The following HK2 variants were observed in gnomAD, a reference collection of about 807,000 sequenced individuals.
HK2 encodes the protein hexokinase 2, also known as hexokinase-2.
HK2 carries 42 observed loss-of-function variants against 92.9 expected under a neutral mutation model. The observed-to-expected ratio is 0.45, with a 90% CI of 0.35 to 0.58. HK2 has a LOEUF of 0.58. Ranked by LOEUF, HK2 falls within the 20% of genes least tolerant of loss-of-function variation. The pLI, the probability that HK2 is intolerant of heterozygous loss-of-function variation, is 0.00. For synonymous variants in HK2, 422 were observed against 468.0 expected, an observed-to-expected ratio of 0.90 and a Z score of 1.27; for missense variants, 978 against 1,245.1, an observed-to-expected ratio of 0.79 and a Z score of 3.23.
chr2:74,888,696 A>G (rs1016990275), intron 16 of HK2, among the ~76,000 whole-genome samples: 2 of 152,244 alleles, frequency 1.3e-5, no homozygotes, highest in African/African-American at 4.8e-5. Flanking sequence ...TCTAGCTTAT[A>G]GGTCTGTTAT....
chr2:74,849,062 G>T (rs2103864901), intron 1 of HK2, among the ~76,000 whole-genome samples: 1 of 152,350 alleles, frequency 6.6e-6, no homozygotes, highest in South Asian at 2.1e-4. Context: ...TCGAAGTGGA[G>T]CCTCCATGAA....
intron 1 of HK2, among the ~76,000 whole-genome samples, chr2:74,852,247 G>T (rs1688589372): frequency 6.6e-6 from 1 of 152,168 alleles, no homozygotes; most frequent in South Asian, 2.1e-4. Context: ...TTCTGGTCTG[G>T]GTAGCCCCAG....
Position 74,882,139 on chromosome 2 carries a change from A to C in HK2, c.1739A>C (p.Gln580Pro). ...TGDELFDHIVQCIADFLEYMG... is the reference protein window; with the variant it reads ...TGDELFDHIVPCIADFLEYMG... The stretch of plus-strand genomic sequence containing the variant: ...CTGCAGCTCTTTGACCACATTGTCC[A>C]GTGCATCGCGGACTTCCTCGAGTAC... The change falls in exon 12 of 18, where the codon CAG becomes CCG. Residue 580 changes from glutamine to proline, a missense_variant. Coordinates refer to ENST00000290573, the MANE Select transcript of HK2 (RefSeq NM_000189.5). 1 of 1,614,196 alleles carries C rather than the reference A, an allele frequency of 6.2e-7. No individual in the cohort carries two copies. The highest frequency in any genetic ancestry group is 8.5e-7 in the Non-Finnish European group (1 of 1,180,018).
chr2:74,848,187 T>A (rs1688487402), intron 1 of HK2, among the ~76,000 whole-genome samples: 1 of 152,166 alleles, frequency 6.6e-6, no homozygotes, highest in African/African-American at 2.4e-5. Flanking sequence ...CTTAAATCTG[T>A]GACACTTCCC....
At chr2:74,882,099 T>C in intron 11 of HK2, 21 bp from the exon 12 acceptor site, 2 of 1,613,576 alleles carry the variant, frequency 1.2e-6, no homozygotes, top group Non-Finnish European at 1.7e-6. Context: ...CCTCCCTCAG[T>C]GTCCTAACTT....
At chr2:74,837,344 T>C (rs1370399264) in intron 1 of HK2, among the ~76,000 whole-genome samples, 2 of 152,248 alleles carry the variant, frequency 1.3e-5, no homozygotes, top group East Asian at 3.8e-4. Flanking sequence ...TCCTGGCTGC[T>C]GGTAGCACCC....
chr2:74,844,796 C>T (rs1407161006), intron 1 of HK2, among the ~76,000 whole-genome samples: 5 of 152,302 alleles, frequency 3.3e-5, no homozygotes, highest in Admixed American at 6.5e-5. Context: ...GCAGTGTGGG[C>T]GCCAGCCTGA....
intron 2 of HK2, among the ~76,000 whole-genome samples, chr2:74,867,092 G>A (rs114653659): frequency 0.012 from 1,835 of 152,210 alleles, 46 homozygotes; most frequent in African/African-American, 0.041. Context: ...GGAGGTAGTC[G>A]GCTCTCAGGA....
chr2:74,881,997 G>T, intron 11 of HK2, 123 bp from the exon 12 acceptor site: 1 of 1,419,340 alleles, frequency 7.0e-7, no homozygotes, highest in South Asian at 1.2e-5. Context: ...CTTGACTCAG[G>T]TTTGTGCCTG....
intron 12 of HK2, among the ~76,000 whole-genome samples, chr2:74,884,234 G>C (rs534454707): frequency 5.4e-4 from 83 of 152,330 alleles, no homozygotes; most frequent in African/African-American, 1.9e-3. Flanking sequence ...TGAGGAGCAC[G>C]TGTTAGGTCT....
chr2:74,846,848 A>G (rs1317353554), intron 1 of HK2, among the ~76,000 whole-genome samples: 4 of 152,228 alleles, frequency 2.6e-5, no homozygotes, highest in African/African-American at 9.7e-5. Context: ...TTTAAAGCAG[A>G]CGAAAGTAGT....
chr2:74,890,294 A>G (rs1392891249), intron 17 of HK2, among the ~76,000 whole-genome samples: 6 of 152,208 alleles, frequency 3.9e-5, no homozygotes, highest in Admixed American at 2.6e-4. Flanking sequence ...TCACTGTGAT[A>G]TCCTAGCAGT....
In HK2 at chr2:74,878,867, A is replaced by G. The variant is rs1222765214; in HGVS notation, c.1211A>G (p.Glu404Gly). 6.4e-7 allele frequency: 1 copy of G among 1,552,230 alleles called. No individual in the cohort carries two copies. Among genetic ancestry groups the G allele is most frequent in the Non-Finnish European group, 8.7e-7 (1 of 1,147,436 alleles). The change falls in exon 9 of 18, where the codon GAG (glutamate) becomes GGG (glycine). Residue 404 changes from glutamate to glycine, a missense_variant. By Grantham distance (98) the Glu-to-Gly change is moderately conservative. This residue lies in a region of HK2 where 742 missense variants were observed against 922.5 expected (regional missense o/e 0.80). Coordinates refer to ENST00000290573, the MANE Select transcript of HK2 (RefSeq NM_000189.5). ...CGCATCAAGGAGAACAAAGGCGAGGAGCGGCTGCGCTCTACTATTGGGGTC... is the reference window on the plus strand; with the variant it reads ...CGCATCAAGGAGAACAAAGGCGAGGGGCGGCTGCGCTCTACTATTGGGGTC... ...LQRIKENKGE[E>G]RLRSTIGVDG...
At chr2:74,869,673 C>T (rs1247094202) in intron 3 of HK2, among the ~76,000 whole-genome samples, 1 of 152,190 alleles carries the variant, frequency 6.6e-6, no homozygotes, top group Non-Finnish European at 1.5e-5. Flanking sequence ...GAAAAGGAAA[C>T]CATTTTAACT....
At chr2:74,858,902 T>G (rs1688751542) in intron 2 of HK2, among the ~76,000 whole-genome samples, 1 of 152,208 alleles carries the variant, frequency 6.6e-6, no homozygotes, top group South Asian at 2.1e-4. Flanking sequence ...GGTGAAATGT[T>G]CAAGGTAAAT....
chr2:74,854,071 G>C (rs1019569559), intron 1 of HK2, among the ~76,000 whole-genome samples: 3 of 151,686 alleles, frequency 2.0e-5, no homozygotes, highest in African/African-American at 7.3e-5. Flanking sequence ...GTATGCACCA[G>C]TTCTCCAAAA....
chr2:74,869,722 A>G (rs910717932), intron 3 of HK2, among the ~76,000 whole-genome samples: 1 of 152,200 alleles, frequency 6.6e-6, no homozygotes, highest in African/African-American at 2.4e-5. Flanking sequence ...TATGACAGGA[A>G]CGTGTTAGCT....
chr2:74,880,405 C>A lies in HK2; in HGVS notation c.1406C>A (p.Ala469Asp). Residue 469 changes from alanine (A) to aspartate (D), a missense_variant, in exon 10 of 18, where the codon GCC becomes GAC. Ala to Asp is a moderately radical substitution (Grantham distance 126). Around this residue, in one of 3 missense-constraint regions of HK2, gnomAD observed 742 missense variants for 922.5 expected, o/e 0.80. Coordinates refer to ENST00000290573, the MANE Select transcript of HK2 (RefSeq NM_000189.5). The part of the protein sequence containing the change: ...VAYRLADQHR[A>D]RQKTLEHLQL... ...TACCGGCTGGCCGATCAACACCGTG[C>A]CCGCCAGAAGACATTAGAGCATCTG... is the stretch of plus-strand genomic sequence containing the variant. 6.2e-7 allele frequency: 1 copy of A among 1,614,202 alleles called. No individual in the cohort carries two copies. Among genetic ancestry groups the A allele is most frequent in the Non-Finnish European group, 8.5e-7 (1 of 1,180,038 alleles).
At chr2:74,889,725 G>A (rs1689630439) in intron 17 of HK2, among the ~76,000 whole-genome samples, 1 of 152,126 alleles carries the variant, frequency 6.6e-6, no homozygotes, top group Non-Finnish European at 1.5e-5. Flanking sequence ...AGGGGTAAGT[G>A]TTGTGCTGAA....
Sources: gnomAD v4.1 joint callset for allele counts (sites outside exome capture counted in the v4.1 genomes callset) on GRCh38, gnomAD v4.1.1 for gene constraint, gnomAD v4.1.1 regional missense constraint, MANE v1.5 for transcripts, NCBI Gene and HGNC (gene_info 2026-07-23, HGNC 2026-07-21) for gene names.